The following LRRTM3 variants were observed in gnomAD, a reference collection of about 807,000 sequenced individuals.
LRRTM3 encodes leucine-rich repeat transmembrane neuronal protein 3.
In LRRTM3, 24 loss-of-function variants were observed where a neutral mutation model predicts 44.7. The ratio of observed to expected loss-of-function variants is 0.54; its 90% CI spans 0.39 to 0.76. LRRTM3 has a LOEUF of 0.76. Among genes scored for constraint, LRRTM3 ranks in the 30% least tolerant of loss-of-function variants. The probability of loss-of-function intolerance (pLI) is 0.00; values close to 1 mark genes in which losing one functional copy is unlikely to be tolerated. For missense variants in LRRTM3, 587 were observed against 702.2 expected, an observed-to-expected ratio of 0.84 and a Z score of 1.85; for synonymous variants, 277 against 278.7, an observed-to-expected ratio of 0.99 and a Z score of 0.06.
chr10:67,056,637 A>T (rs1442959156), intron 2 of LRRTM3, among the ~76,000 whole-genome samples: 1 of 152,184 alleles, frequency 6.6e-6, no homozygotes, highest in Non-Finnish European at 1.5e-5. Context: ...TTCCAAATTA[A>T]GTGGCGACAG....
In LRRTM3 at chr10:66,956,464, T is replaced by A. The variant is rs142197173; in HGVS notation, c.1536+28012T>A. Among the ~76,000 whole-genome samples, 22 of 152,158 alleles carry A rather than the reference T, an allele frequency of 1.4e-4. No homozygotes were observed. In the East Asian group the frequency reaches 3.3e-3, roughly 23 times the overall value. The stretch of plus-strand genomic sequence containing the variant: ...TGGCTTGCAGAGCTTGGGCTGAGAA[T>A]CTTTGCAAGTTATTGTCATCCAGGC... On this transcript the variant is annotated intron_variant, in intron 2 of 2. Transcript: ENST00000361320.
intron 2 of LRRTM3, among the ~76,000 whole-genome samples, chr10:67,074,368 T>TTTTTG: frequency 1.1e-5 from 1 of 90,234 alleles, no homozygotes; most frequent in Non-Finnish European, 2.2e-5. Flanking sequence ...TTTTTTTTTT[T>TTTTTG]GAGACGGAGT....
At chr10:67,097,197 T>C (rs897897245) in intron 2 of LRRTM3, among the ~76,000 whole-genome samples, 1 of 151,922 alleles carries the variant, frequency 6.6e-6, no homozygotes, top group Non-Finnish European at 1.5e-5. Flanking sequence ...TGTTCTATTG[T>C]ATCCTAACCA....
chr10:66,950,262 C>CT (rs776998388), intron 2 of LRRTM3, among the ~76,000 whole-genome samples: 47 of 152,024 alleles, frequency 3.1e-4, no homozygotes, highest in Non-Finnish European at 5.7e-4. Flanking sequence ...TATTATTTTA[C>CT]TTCTATAGCC....
At chr10:66,944,298 C>T (rs1279998194) in intron 2 of LRRTM3, among the ~76,000 whole-genome samples, 1 of 152,162 alleles carries the variant, frequency 6.6e-6, no homozygotes, top group East Asian at 1.9e-4. Flanking sequence ...AGACAACTTT[C>T]TCTGTTCATC....
chr10:67,048,855 C>T (rs1402614642), intron 2 of LRRTM3, among the ~76,000 whole-genome samples: 1 of 152,076 alleles, frequency 6.6e-6, no homozygotes, highest in Non-Finnish European at 1.5e-5. Context: ...ATCACATGTT[C>T]TAAAGCTGTT....
chr10:67,033,992 A>C (rs929005327), intron 2 of LRRTM3, among the ~76,000 whole-genome samples: 8 of 152,250 alleles, frequency 5.3e-5, no homozygotes, highest in African/African-American at 1.4e-4. Context: ...GGCTGGTCTC[A>C]AATGCCTTAC....
At chr10:66,933,179 A>G (rs765500940) in intron 2 of LRRTM3, among the ~76,000 whole-genome samples, 2 of 152,250 alleles carry the variant, frequency 1.3e-5, no homozygotes, top group Non-Finnish European at 2.9e-5. Context: ...AGTAACCTCC[A>G]TGTTACAGAA....
chr10:67,055,085 A>C (rs1172042886), intron 2 of LRRTM3: 1 of 152,192 alleles, frequency 6.6e-6, no homozygotes. Flanking sequence ...GTGAAAATGA[A>C]AGATGACATA....
At chr10:67,057,850 A>G (rs1855531483) in intron 2 of LRRTM3, among the ~76,000 whole-genome samples, 1 of 152,186 alleles carries the variant, frequency 6.6e-6, no homozygotes, top group Non-Finnish European at 1.5e-5. Flanking sequence ...CAAAGATTGA[A>G]GCCAAAATAT....
intron 2 of LRRTM3, among the ~76,000 whole-genome samples, chr10:66,999,626 C>T (rs57278070): frequency 0.011 from 1,607 of 152,026 alleles, 28 homozygotes; most frequent in African/African-American, 0.036. Flanking sequence ...ATGGTGCTTC[C>T]GGAAACATAA....
chr10:66,927,866 G>A lies in LRRTM3; in HGVS notation c.950G>A (p.Ser317Asn). ...ISLAGNIWEC[S>N]RNICSLVNWL... The stretch of plus-strand genomic sequence containing the variant: ...CTTGCTGGGAATATATGGGAATGCA[G>A]CAGAAATATTTGCTCCCTTGTAAAC... The change falls in exon 2 of 3, where the codon AGC becomes AAC. Residue 317 changes from serine (S) to asparagine (N), a missense_variant. Transcript: ENST00000361320. This position sits in a 1 kb window ranked among gnomAD's most constrained non-coding sequence, Gnocchi z 4.7. The A allele has an allele frequency of 1.2e-6, 2 of 1,614,228 alleles. No homozygotes were observed. Among genetic ancestry groups the A allele is most frequent in the South Asian group, 1.1e-5 (1 of 91,082 alleles).
intron 2 of LRRTM3, among the ~76,000 whole-genome samples, chr10:66,956,882 G>A (rs972208457): frequency 5.9e-5 from 9 of 152,116 alleles, no homozygotes; most frequent in African/African-American, 1.9e-4. Flanking sequence ...ATCCTCCTAC[G>A]GGACAAAAAG....
chr10:67,011,345 A>T (rs1351459559), intron 2 of LRRTM3, among the ~76,000 whole-genome samples: 2 of 151,924 alleles, frequency 1.3e-5, no homozygotes, highest in Non-Finnish European at 2.9e-5. Flanking sequence ...TCTCAAAAAA[A>T]AAAAAAAAAA....
intron 2 of LRRTM3, among the ~76,000 whole-genome samples, chr10:66,958,861 T>G (rs1848972072): frequency 6.6e-6 from 1 of 152,134 alleles, no homozygotes; most frequent in Non-Finnish European, 1.5e-5. Flanking sequence ...AGATTTAAAA[T>G]GCACTTTCAA....
At chr10:67,074,075 C>T (rs1161374987) in intron 2 of LRRTM3, among the ~76,000 whole-genome samples, 1 of 120,170 alleles carries the variant, frequency 8.3e-6, no homozygotes, top group Non-Finnish European at 1.6e-5. Flanking sequence ...CTGGCTCTGT[C>T]TCCAGGCTGG....
chr10:66,957,442 GCATATATA>G (rs1848877314), intron 2 of LRRTM3, among the ~76,000 whole-genome samples: 1 of 106,306 alleles, frequency 9.4e-6, no homozygotes, highest in Admixed American at 1.1e-4. Context: ...ATATATATAT[GCATATATA>G]TATATGCATA....
chr10:66,967,983 T>G (rs1350905495), intron 2 of LRRTM3, among the ~76,000 whole-genome samples: 1 of 152,092 alleles, frequency 6.6e-6, no homozygotes, highest in Non-Finnish European at 1.5e-5. Context: ...GCTACTGAAT[T>G]GGATTTGTCC....
chr10:66,954,173 T>C (rs2132734686), intron 2 of LRRTM3, among the ~76,000 whole-genome samples: 3 of 152,316 alleles, frequency 2.0e-5, no homozygotes, highest in Admixed American at 2.0e-4. Context: ...GTTTCTAGTA[T>C]GAAATTTGAA....
Sources: gnomAD v4.1 joint callset for allele counts (sites outside exome capture counted in the v4.1 genomes callset) on GRCh38, gnomAD v4.1.1 for gene constraint, Gnocchi (gnomAD v3.1) non-coding constraint, MANE v1.5 for transcripts, NCBI Gene and HGNC (gene_info 2026-07-23, HGNC 2026-07-21) for gene names.